The following GALNT13 variants were observed in gnomAD, a reference collection of about 807,000 sequenced individuals.
GALNT13 encodes the protein UDP-GalNAc:polypeptide N-acetylgalactosaminyltransferase 13.
A neutral mutation model predicts 64.2 loss-of-function variants in GALNT13; 28 were observed. The ratio of observed to expected loss-of-function variants is 0.44; its 90% CI spans 0.32 to 0.60. The LOEUF (loss-of-function observed/expected upper bound fraction) is 0.60. Among genes scored for constraint, GALNT13 ranks in the 20% least tolerant of loss-of-function variants. The pLI is 0.05. For synonymous variants in GALNT13, 214 were observed against 224.6 expected, an observed-to-expected ratio of 0.95 and a Z score of 0.42; for missense variants, 577 against 669.8, an observed-to-expected ratio of 0.86 and a Z score of 1.53.
At chr2:154,074,825 G>T (rs1484391515) in intron 3 of GALNT13, among the ~76,000 whole-genome samples, 1 of 151,686 alleles carries the variant, frequency 6.6e-6, no homozygotes, top group Non-Finnish European at 1.5e-5. Context: ...AATAGATGCA[G>T]AAAAGTCCTT....
chr2:153,350,597 G>T, the GALNT13 span, among the ~76,000 whole-genome samples: 1 of 151,900 alleles, frequency 6.6e-6, no homozygotes. Context: ...TGGCCAGGCT[G>T]GTCTCGAACT....
chr2:154,149,036 T>G (rs953306173), intron 4 of GALNT13, among the ~76,000 whole-genome samples: 1 of 152,210 alleles, frequency 6.6e-6, no homozygotes, highest in Non-Finnish European at 1.5e-5. Context: ...GCCTAGGTTT[T>G]CTTCTAGGGT....
chr2:154,267,130 A>G (rs1264410832), intron 8 of GALNT13, among the ~76,000 whole-genome samples: 1 of 152,130 alleles, frequency 6.6e-6, no homozygotes, highest in East Asian at 1.9e-4. Context: ...TATTAGAACA[A>G]CTGAATGTCT....
the GALNT13 span, among the ~76,000 whole-genome samples, chr2:153,755,172 G>C: frequency 6.6e-6 from 1 of 152,050 alleles, no homozygotes; most frequent in African/African-American, 2.4e-5. Flanking sequence ...CTGACTTTTT[G>C]ATCTTATAAA....
the GALNT13 span, among the ~76,000 whole-genome samples, chr2:153,406,995 A>G: frequency 6.6e-6 from 1 of 152,136 alleles, no homozygotes; most frequent in African/African-American, 2.4e-5. Flanking sequence ...AAGTGTTCTA[A>G]TATTCTAAAT....
chr2:153,197,477 G>A, the GALNT13 span, among the ~76,000 whole-genome samples: 1 of 152,242 alleles, frequency 6.6e-6, no homozygotes, highest in Non-Finnish European at 1.5e-5. Context: ...CTCCTTAGGT[G>A]TGTGTGCCTC....
At chr2:154,321,243 G>A (rs1041668833) in intron 9 of GALNT13, among the ~76,000 whole-genome samples, 1 of 152,116 alleles carries the variant, frequency 6.6e-6, no homozygotes, top group African/African-American at 2.4e-5. Context: ...ACTAAAACTA[G>A]ATGAACTAAG....
the GALNT13 span, among the ~76,000 whole-genome samples, chr2:153,827,625 C>CA: frequency 1.7e-3 from 156 of 90,394 alleles, no homozygotes; most frequent in Middle Eastern, 5.7e-3. Context: ...GACTCCGTCC[C>CA]AAAAAAAAAA....
chr2:153,800,822 C>G, the GALNT13 span, among the ~76,000 whole-genome samples: 1 of 152,168 alleles, frequency 6.6e-6, no homozygotes, highest in African/African-American at 2.4e-5. Context: ...GTTACTTCCT[C>G]CACTGAAGTC....
the GALNT13 span, among the ~76,000 whole-genome samples, chr2:153,405,526 C>T: frequency 6.6e-6 from 1 of 152,152 alleles, no homozygotes; most frequent in Admixed American, 6.5e-5. Context: ...TTAGCTAAAG[C>T]TGAACTATTT....
chr2:153,997,453 T>C (rs966524482), intron 3 of GALNT13, among the ~76,000 whole-genome samples: 8 of 150,548 alleles, frequency 5.3e-5, no homozygotes, highest in African/African-American at 2.0e-4. Context: ...GGGGTAACTT[T>C]CTTGATTTCT....
chr2:153,632,757 T>A, the GALNT13 span, among the ~76,000 whole-genome samples: 4 of 152,240 alleles, frequency 2.6e-5, no homozygotes, highest in African/African-American at 7.2e-5. Context: ...ATTTTATTTA[T>A]GTATTTATTT....
chr2:154,116,874 G>A (rs1681595577), intron 3 of GALNT13, among the ~76,000 whole-genome samples: 1 of 152,026 alleles, frequency 6.6e-6, no homozygotes, highest in African/African-American at 2.4e-5. Flanking sequence ...GTTCTCTAGA[G>A]GAAAAGAACT....
At chr2:153,843,509 A>G in the GALNT13 span, among the ~76,000 whole-genome samples, 2 of 152,204 alleles carry the variant, frequency 1.3e-5, no homozygotes, top group Non-Finnish European at 2.9e-5. Flanking sequence ...GACAGAGACT[A>G]CTATCCAAAC....
At chr2:153,081,772 G>T in the GALNT13 span, among the ~76,000 whole-genome samples, 1 of 152,166 alleles carries the variant, frequency 6.6e-6, no homozygotes. Flanking sequence ...TTCATCTGTT[G>T]ATAGACACTT....
chr2:153,482,573 G>A, the GALNT13 span, among the ~76,000 whole-genome samples: 16 of 152,104 alleles, frequency 1.1e-4, no homozygotes, highest in Non-Finnish European at 2.2e-4. Context: ...AGGTTCAAGC[G>A]ATTCTCCTGC....
At chr2:154,245,392 C>A (rs1403970494) in intron 6 of GALNT13, among the ~76,000 whole-genome samples, 1 of 152,060 alleles carries the variant, frequency 6.6e-6, no homozygotes, top group Non-Finnish European at 1.5e-5. Flanking sequence ...AACTAACGTA[C>A]CCTACTTGAA....
At chr2:153,642,395 T>C in the GALNT13 span, among the ~76,000 whole-genome samples, 1 of 151,858 alleles carries the variant, frequency 6.6e-6, no homozygotes, top group Admixed American at 6.6e-5. Flanking sequence ...TGGAAAAATC[T>C]AAACAAAGAA....
the GALNT13 span, among the ~76,000 whole-genome samples, chr2:153,839,316 T>C: frequency 3.3e-5 from 5 of 151,916 alleles, no homozygotes; most frequent in Admixed American, 2.6e-4. Flanking sequence ...ATGCTGAGAA[T>C]GGACATCCAT....
Sources: gnomAD v4.1 joint callset for allele counts (sites outside exome capture counted in the v4.1 genomes callset) on GRCh38, gnomAD v4.1.1 for gene constraint, MANE v1.5 for transcripts, NCBI Gene and HGNC (gene_info 2026-07-23, HGNC 2026-07-21) for gene names.